ZNF334: variants seen among roughly 807,000 people sequenced by gnomAD.
ZNF334 encodes zinc finger protein 334.
In ZNF334, 14 loss-of-function variants were observed where a neutral mutation model predicts 12.4. The observed-to-expected ratio is 1.13, with a 90% CI of 0.74 to 1.76. The LOEUF (loss-of-function observed/expected upper bound fraction) is 1.76. ZNF334 is among the 40% of genes most tolerant of loss of function. The pLI, the probability that ZNF334 is intolerant of heterozygous loss-of-function variation, is 0.00. For synonymous variants in ZNF334, 273 were observed against 269.6 expected, an observed-to-expected ratio of 1.01 and a Z score of -0.12; for missense variants, 797 against 804.5, an observed-to-expected ratio of 0.99 and a Z score of 0.11.
chr20:46,504,228 T>C lies in ZNF334; in HGVS notation c.227A>G (p.Asn76Ser). Residue 76 changes from asparagine (N) to serine (S), a missense_variant, in exon 4 of 5, where the codon AAT (asparagine) becomes AGT (serine). Physicochemically the swap from Asn to Ser is conservative, Grantham distance 46. Coordinates refer to ENST00000692313, the MANE Select transcript of ZNF334 (RefSeq NM_001353824.2). The stretch of plus-strand genomic sequence containing the variant: ...CATTTACTTACCTGGGTAGTTCTGA[T>C]TTGAGAATTCCTCCACTATCCATGG... ...EEPWIVEEFS[N>S]QNYPDIDDAL... The C allele has an allele frequency of 6.2e-7, 1 of 1,611,858 alleles. No individual in the cohort carries two copies. Among genetic ancestry groups the C allele is most frequent in the South Asian group, 1.1e-5 (1 of 90,658 alleles).
chr20:46,489,895 A>AT, the ZNF334 span, among the ~76,000 whole-genome samples: 4 of 152,094 alleles, frequency 2.6e-5, no homozygotes, highest in Admixed American at 2.6e-4. Context: ...TCAGTGGCAG[A>AT]TTTTTTTGTC....
intron 2 of ZNF334, among the ~76,000 whole-genome samples, chr20:46,510,521 T>G (rs1306071919): frequency 1.3e-5 from 2 of 152,034 alleles, no homozygotes; most frequent in African/African-American, 4.8e-5. Context: ...GTCAGGAGAT[T>G]GAGACCATCC....
chr20:46,463,735 G>A, the ZNF334 span: 1 of 241,896 alleles, frequency 4.1e-6, no homozygotes, highest in Non-Finnish European at 8.6e-6. Context: ...TTGGGGAAAG[G>A]TCACAGATTG....
At chr20:46,483,961 CTT>C in the ZNF334 span, among the ~76,000 whole-genome samples, 1 of 152,138 alleles carries the variant, frequency 6.6e-6, no homozygotes, top group African/African-American at 2.4e-5. Context: ...TTGCAAAGAA[CTT>C]TTGACTGTTC....
the ZNF334 span, among the ~76,000 whole-genome samples, chr20:46,468,956 G>A: frequency 6.6e-6 from 1 of 152,084 alleles, no homozygotes; most frequent in Non-Finnish European, 1.5e-5. Flanking sequence ...ATTTTCTATA[G>A]TTTCATTTGA....
chr20:46,468,578 C>G, the ZNF334 span, among the ~76,000 whole-genome samples: 6 of 152,140 alleles, frequency 3.9e-5, no homozygotes, highest in African/African-American at 7.2e-5. Context: ...AGCTACACCC[C>G]CGGGCCTATA....
At chr20:46,478,604 C>T in the ZNF334 span, among the ~76,000 whole-genome samples, 11 of 152,218 alleles carry the variant, frequency 7.2e-5, no homozygotes, top group South Asian at 6.2e-4. Flanking sequence ...GAGGCATGTC[C>T]GACCCCACTT....
downstream of ZNF334, among the ~76,000 whole-genome samples, chr20:46,498,792 A>G (rs1601004244): frequency 6.6e-6 from 1 of 152,240 alleles, no homozygotes; most frequent in Non-Finnish European, 1.5e-5. Context: ...TTTAAGATGC[A>G]GTCATACTGG....
chr20:46,473,751 GA>G, the ZNF334 span, among the ~76,000 whole-genome samples: 1 of 152,198 alleles, frequency 6.6e-6, no homozygotes, highest in African/African-American at 2.4e-5. Flanking sequence ...TTCTAGTGAG[GA>G]AGACAAACCA....
chr20:46,509,565 T>C (rs1449180939), intron 2 of ZNF334: 6 of 702,904 alleles, frequency 8.5e-6, no homozygotes, highest in Admixed American at 4.0e-5. Context: ...CTTGAAATAG[T>C]GCACAGAATA....
chr20:46,470,246 C>T, the ZNF334 span, among the ~76,000 whole-genome samples: 1 of 152,206 alleles, frequency 6.6e-6, no homozygotes, highest in Non-Finnish European at 1.5e-5. Context: ...AATTCCCTCC[C>T]ACTAGGAGAT....
rs1231241736 is a variant in ZNF334 at position 46,503,042 on chromosome 20, T to C, written c.297A>G (p.Gln99=). 6.2e-7 allele frequency: 1 copy of C among 1,611,550 alleles called. No individual in the cohort carries two copies. Among genetic ancestry groups the C allele is most frequent in the Non-Finnish European group, 8.5e-7 (1 of 1,179,292 alleles). The change falls in exon 5 of 5, where the codon CAA becomes CAG. Residue 99 remains glutamine, a synonymous_variant. Coordinates refer to ENST00000692313, the MANE Select transcript of ZNF334 (RefSeq NM_001353824.2). ...GTGTTTTGTTGCTGAAGAATACAGTTTGTGTCAAATGTTTATCTTGGATTT... is the reference window on the plus strand; with the variant it reads ...GTGTTTTGTTGCTGAAGAATACAGTCTGTGTCAAATGTTTATCTTGGATTT... ...NKEIQDKHLT[Q]TVFFSNKTLI...
At position 46,504,271 on chromosome 20, in the gene ZNF334, A is replaced by G. The variant is rs2061353534; in HGVS notation, c.184T>C (p.Leu62=). The G allele has an allele frequency of 2.5e-6, 4 of 1,613,852 alleles. No homozygotes were observed. Among genetic ancestry groups the G allele is most frequent in the African/African-American group, 2.7e-5 (2 of 75,002 alleles). The change falls in exon 4 of 5, where the codon TTG becomes CTG. Residue 62 remains leucine, a synonymous_variant. Coordinates refer to ENST00000692313, the MANE Select transcript of ZNF334 (RefSeq NM_001353824.2). The part of the protein sequence containing the change: ...HVSKPDVIFK[L]EQGEEPWIVE... ...ATCCATGGCTCTTCTCCTTGCTCCAATTTGAAAATCACATCTGGTTTGCTA... is the reference window on the plus strand; with the variant it reads ...ATCCATGGCTCTTCTCCTTGCTCCAGTTTGAAAATCACATCTGGTTTGCTA...
At chr20:46,499,046 C>T (rs867810151), downstream of ZNF334, among the ~76,000 whole-genome samples, 65 of 150,488 alleles carry the variant, frequency 4.3e-4, no homozygotes, top group East Asian at 3.3e-3. Context: ...TAGTGGCGGG[C>T]GCCTGTAGTC....
chr20:46,512,714 A>C lies in ZNF334; in HGVS notation c.-213T>G, dbSNP rs958958504. Reference sequence around the variant, plus strand: ...GTAGGTAACGTAAATGTGGTAGATGACAAAAGCCCTGACCTGGTACTCAAA... The same window carrying C: ...GTAGGTAACGTAAATGTGGTAGATGCCAAAAGCCCTGACCTGGTACTCAAA... On this transcript the variant is annotated 5_prime_UTR_variant, in exon 1 of 5. Transcript: ENST00000692313. 1 of 152,288 alleles carries C rather than the reference A, an allele frequency of 6.6e-6. No homozygotes were observed. The highest frequency in any genetic ancestry group is 2.4e-5 in the African/African-American group (1 of 41,466). The allele number at this position is 152,288 out of a possible 1,614,324, so 9.4% of individuals were successfully genotyped here. A position where few individuals can be genotyped will look rare whatever the true frequency, so the allele number is the denominator to read the frequency against.
chr20:46,475,985 T>C, the ZNF334 span, among the ~76,000 whole-genome samples: 1 of 152,186 alleles, frequency 6.6e-6, no homozygotes, highest in Admixed American at 6.5e-5. Flanking sequence ...GTAGCTTCAT[T>C]TGTAATAGCC....
the ZNF334 span, chr20:46,465,006 C>T: frequency 4.1e-5 from 16 of 393,082 alleles, no homozygotes; most frequent in African/African-American, 2.1e-4. Flanking sequence ...AACACAGTAC[C>T]GTCGCTGAAA....
chr20:46,479,442 C>G, the ZNF334 span, among the ~76,000 whole-genome samples: 2 of 152,078 alleles, frequency 1.3e-5, no homozygotes, highest in Non-Finnish European at 2.9e-5. Context: ...CTCGTTATAC[C>G]CTCTCCCTTT....
At chr20:46,493,354 G>GT in the ZNF334 span, among the ~76,000 whole-genome samples, 4 of 152,226 alleles carry the variant, frequency 2.6e-5, no homozygotes, top group Admixed American at 1.3e-4. Flanking sequence ...TGAATTAGAA[G>GT]TTTTGGAGAA....
Sources: gnomAD v4.1 joint callset for allele counts (sites outside exome capture counted in the v4.1 genomes callset) on GRCh38, gnomAD v4.1.1 for gene constraint, MANE v1.5 for transcripts, NCBI Gene and HGNC (gene_info 2026-07-23, HGNC 2026-07-21) for gene names.